AGPAT3: variants seen among roughly 807,000 people sequenced by gnomAD.
AGPAT3 encodes the protein 1-acylglycerol-3-phosphate O-acyltransferase 3.
In AGPAT3, 5 loss-of-function variants were observed where a neutral mutation model predicts 47.3. The observed-to-expected ratio is 0.11, with a 90% CI of 0.06 to 0.22. The LOEUF (loss-of-function observed/expected upper bound fraction) is 0.22. AGPAT3 is among the 10% of genes least tolerant of loss of function. AGPAT3 has a pLI of 1.00. For missense variants in AGPAT3, 315 were observed against 493.0 expected, an observed-to-expected ratio of 0.64 and a Z score of 3.42; for synonymous variants, 212 against 208.3, an observed-to-expected ratio of 1.02 and a Z score of -0.15.
chr21:43,870,792 T>C lies in AGPAT3; in HGVS notation c.-112+5447T>C, dbSNP rs1045543563. On this transcript the variant is annotated intron_variant, in intron 1 of 9. Coordinates refer to ENST00000291572, the MANE Select transcript of AGPAT3 (RefSeq NM_020132.5). ...AATGTTTCTTTTTGGTGAACAAAGCTATACAGGAAAATCGTAAACACAGAT... is the reference window on the plus strand; with the variant it reads ...AATGTTTCTTTTTGGTGAACAAAGCCATACAGGAAAATCGTAAACACAGAT... 3.2e-4 allele frequency among the ~76,000 whole-genome samples: 49 copies of C among 152,288 alleles called. 1 individual carries two copies. The highest frequency in any genetic ancestry group is 9.9e-4 in the African/African-American group (41 of 41,554).
chr21:43,937,618 C>T (rs2087492044), intron 2 of AGPAT3, among the ~76,000 whole-genome samples: 1 of 152,170 alleles, frequency 6.6e-6, no homozygotes, highest in Admixed American at 6.5e-5. Flanking sequence ...GGCTTAAGTG[C>T]AGTGGCGCAA....
intron 7 of AGPAT3, among the ~76,000 whole-genome samples, chr21:43,972,593 T>C (rs2089442666): frequency 6.6e-6 from 1 of 152,116 alleles, no homozygotes. Flanking sequence ...GCGGCTTTCC[T>C]TGGGGCAGTG....
intron 2 of AGPAT3, among the ~76,000 whole-genome samples, chr21:43,936,991 T>G (rs1313411133): frequency 1.3e-5 from 2 of 152,246 alleles, no homozygotes; most frequent in African/African-American, 2.4e-5. Context: ...CCCCAAGTAT[T>G]TTTCTCTAAT....
chr21:43,951,043 C>T (rs2088168332), intron 2 of AGPAT3, among the ~76,000 whole-genome samples: 1 of 152,248 alleles, frequency 6.6e-6, no homozygotes, highest in Non-Finnish European at 1.5e-5. Flanking sequence ...GGACTTTCTC[C>T]TCCAGCGTCT....
Position 43,969,231 on chromosome 21 carries a change from C to A in AGPAT3, c.462C>A (p.Thr154=), listed in dbSNP as rs143039422. Residue 154 remains threonine, a synonymous_variant, in exon 5 of 10, where the codon ACC becomes ACA. Coordinates refer to ENST00000291572, the MANE Select transcript of AGPAT3 (RefSeq NM_020132.5). ...GGAAGTGGGAGGAGGACCGGGACAC[C>A]GTGGTCGAAGGGCTGAGGCGCCTGT... ...CKRKWEEDRD[T]VVEGLRRLSD... 2 of 1,614,204 alleles carry A rather than the reference C, an allele frequency of 1.2e-6. No individual in the cohort carries two copies. The highest frequency in any genetic ancestry group is 1.1e-5 in the South Asian group (1 of 91,080).
At chr21:43,876,811 A>C (rs919493559) in intron 1 of AGPAT3, among the ~76,000 whole-genome samples, 2 of 152,150 alleles carry the variant, frequency 1.3e-5, no homozygotes, top group Non-Finnish European at 2.9e-5. Context: ...CGTCATTATC[A>C]AATGCTTTTC....
chr21:43,880,944 G>A lies in AGPAT3; in HGVS notation c.-112+15599G>A, dbSNP rs564215788. ...CAGGCTGGTGGTTTGATTACAAGTT[G>A]GTCATTCTTAATGCCAGGGAGGGGG... On this transcript the variant is annotated intron_variant, in intron 1 of 9. Coordinates refer to ENST00000291572, the MANE Select transcript of AGPAT3 (RefSeq NM_020132.5). The surrounding 1 kb of genome is among the most constrained non-coding windows in gnomAD (Gnocchi z 4.5). 2.1e-5 allele frequency among the ~76,000 whole-genome samples: 3 copies of A among 143,998 alleles called. No individual in the cohort carries two copies. Among genetic ancestry groups the A allele is most frequent in the Admixed American group, 7.3e-5 (1 of 13,668 alleles). The allele number at this position is 143,998 out of a possible 152,430, so 94.5% of individuals were successfully genotyped here.
chr21:43,980,942 C>T (rs1349198332), intron 8 of AGPAT3, 47 bp from the exon 9 acceptor site: 1 of 1,536,784 alleles, frequency 6.5e-7, no homozygotes, highest in Non-Finnish European at 9.0e-7. Context: ...GAAATAATAG[C>T]TTGTAAAGAA....
intron 1 of AGPAT3, among the ~76,000 whole-genome samples, chr21:43,885,391 CT>C (rs113393341): frequency 0.11 from 15,035 of 139,498 alleles, 1,154 homozygotes; most frequent in African/African-American, 0.28. Context: ...TTTCTTTTTT[CT>C]TTTTTTTTTT....
Position 43,984,902 on chromosome 21 carries a change from G to A in AGPAT3, c.*2510G>A, listed in dbSNP as rs965646055. The A allele has an allele frequency of 1.7e-5, 6 of 352,776 alleles. No homozygotes were observed. Among genetic ancestry groups the A allele is most frequent in the Non-Finnish European group, 2.3e-5 (4 of 176,648 alleles). 21.9% of individuals were successfully genotyped at this position (352,776 alleles called of 1,614,324 possible). A position where few individuals can be genotyped will look rare whatever the true frequency, so the allele number is the denominator to read the frequency against. ...GAAGCAACTCTGTAGCCCACAGTCC[G>A]TGCTGGCCACTGTCGGGGTGAGGCA... On this transcript the variant is annotated 3_prime_UTR_variant, in exon 10 of 10. Transcript: ENST00000291572.
chr21:43,904,967 T>G (rs944145103), intron 2 of AGPAT3, among the ~76,000 whole-genome samples: 6 of 152,088 alleles, frequency 3.9e-5, no homozygotes, highest in Admixed American at 1.3e-4. Flanking sequence ...CCAGGGTGTG[T>G]TGAAAGCTAC....
At chr21:43,868,775 C>G (rs2085561993) in intron 1 of AGPAT3, among the ~76,000 whole-genome samples, 1 of 152,166 alleles carries the variant, frequency 6.6e-6, no homozygotes, top group Admixed American at 6.5e-5. Context: ...TTATGACATG[C>G]TTACCTTATT....
chr21:43,947,534 G>T (rs549417660), intron 2 of AGPAT3, among the ~76,000 whole-genome samples: 1 of 152,192 alleles, frequency 6.6e-6, no homozygotes, highest in Non-Finnish European at 1.5e-5. Flanking sequence ...TCTCGGGCCC[G>T]TCCAGTGTCT....
Position 43,920,174 on chromosome 21 carries a change from C to T in AGPAT3, c.-49+16155C>T, listed in dbSNP as rs948597669. On this transcript the variant is annotated intron_variant, in intron 2 of 9. Transcript: ENST00000291572. The surrounding 1 kb of genome is among the most constrained non-coding windows in gnomAD (Gnocchi z 6.1). The stretch of plus-strand genomic sequence containing the variant: ...TCTTTTTAGTCCATTTCTTCCCCCA[C>T]TGCATGCTGGGACACTCATCATGTC... 3.3e-5 allele frequency among the ~76,000 whole-genome samples: 5 copies of T among 152,068 alleles called. No individual in the cohort carries two copies. The highest frequency in any genetic ancestry group is 1.2e-4 in the African/African-American group (5 of 41,386).
intron 2 of AGPAT3, among the ~76,000 whole-genome samples, chr21:43,942,687 C>G (rs1429861761): frequency 1.3e-5 from 2 of 152,230 alleles, no homozygotes; most frequent in Non-Finnish European, 2.9e-5. Context: ...CAGGTGGCAG[C>G]TGGGTGCCTG....
intron 1 of AGPAT3, among the ~76,000 whole-genome samples, chr21:43,886,895 C>G (rs1298653352): frequency 6.6e-6 from 1 of 152,222 alleles, no homozygotes; most frequent in Non-Finnish European, 1.5e-5. Context: ...ATGAACAGTG[C>G]TAAATGAACA....
rs535104547 is a variant in AGPAT3, at chr21:43,941,876, G to A, written c.-48-17758G>A. On this transcript the variant is annotated intron_variant, in intron 2 of 9. Transcript: ENST00000291572. ...GCTCAAAATGATGAAAGACCTATTA[G>A]GTGTTGGGAAAAGAGCGCCTCTGTC... is the stretch of plus-strand genomic sequence containing the variant. Among the ~76,000 whole-genome samples the A allele has an allele frequency of 1.1e-3, 174 of 152,378 alleles. 2 individuals carry two copies. Among genetic ancestry groups the A allele is most frequent in the African/African-American group, 4.1e-3 (172 of 41,604 alleles).
intron 1 of AGPAT3, among the ~76,000 whole-genome samples, chr21:43,886,783 T>A (rs922298033): frequency 6.6e-6 from 1 of 152,234 alleles, no homozygotes; most frequent in Non-Finnish European, 1.5e-5. Context: ...AACCTCATTC[T>A]TTTTTATGGC....
At position 43,918,036 on chromosome 21, in the gene AGPAT3, G is replaced by A. The variant is rs571154801; in HGVS notation, c.-49+14017G>A. Among the ~76,000 whole-genome samples, 6 of 119,732 alleles carry A rather than the reference G, an allele frequency of 5.0e-5. No individual in the cohort carries two copies. In the South Asian group the frequency reaches 1.6e-3, roughly 31 times the overall value. The allele number at this position is 119,732 out of a possible 152,430, so 78.5% of individuals were successfully genotyped here. On this transcript the variant is annotated intron_variant, in intron 2 of 9. Transcript: ENST00000291572. ...TGTGGATGTTGGTGTTGTAGGGGTTGTTGGTGTTGTGGGGGTTGTGGGTGT... is the reference window on the plus strand; with the variant it reads ...TGTGGATGTTGGTGTTGTAGGGGTTATTGGTGTTGTGGGGGTTGTGGGTGT...
Sources: gnomAD v4.1 joint callset for allele counts (sites outside exome capture counted in the v4.1 genomes callset) on GRCh38, gnomAD v4.1.1 for gene constraint, Gnocchi (gnomAD v3.1) non-coding constraint, MANE v1.5 for transcripts, NCBI Gene and HGNC (gene_info 2026-07-23, HGNC 2026-07-21) for gene names.